The following BYSL variants were observed in gnomAD, a reference collection of about 807,000 sequenced individuals.
BYSL encodes the protein bystin like.
In BYSL, 21 loss-of-function variants were observed where a neutral mutation model predicts 45.4. The ratio of observed to expected loss-of-function variants is 0.46; its 90% CI spans 0.33 to 0.67. The LOEUF is 0.67. Ranked by LOEUF, BYSL falls within the 30% of genes least tolerant of loss-of-function variation. The pLI is 0.02. For synonymous variants in BYSL, 215 were observed against 231.3 expected (o/e 0.93, Z 0.64); for missense variants, 522 against 578.5 (o/e 0.90, Z 1.00).
chr6:41,909,210 A>C, the BYSL span: 1 of 1,551,498 alleles, frequency 6.4e-7, no homozygotes. Context: ...AAATCTTCAG[A>C]GCCCTTTGCT....
chr6:41,920,865 A>C, upstream of BYSL: 3 of 1,074,328 alleles, frequency 2.8e-6, no homozygotes, highest in Non-Finnish European at 2.6e-6. Flanking sequence ...GGGAACCCGC[A>C]GCCCGGACGG....
the BYSL span, chr6:41,909,481 A>G: frequency 7.4e-6 from 12 of 1,614,218 alleles, no homozygotes; most frequent in Non-Finnish European, 1.0e-5. Flanking sequence ...CTCAATGGGT[A>G]CTCTGAGTTG....
At chr6:41,918,451 C>G (rs1233164779), upstream of BYSL, among the ~76,000 whole-genome samples, 2 of 150,976 alleles carry the variant, frequency 1.3e-5, no homozygotes, top group Non-Finnish European at 2.9e-5. Flanking sequence ...TTGCAGTGAG[C>G]CAAGATCGCA....
intron 1 of BYSL, among the ~76,000 whole-genome samples, 154 bp downstream of exon 1, chr6:41,921,984 C>T (rs1451835334): frequency 6.6e-6 from 1 of 152,158 alleles, no homozygotes; most frequent in Non-Finnish European, 1.5e-5. Context: ...GAGCCCTCCG[C>T]GTCCACTCCT....
chr6:41,927,942 G>A (rs145189174), intron 2 of BYSL, among the ~76,000 whole-genome samples: 3 of 152,012 alleles, frequency 2.0e-5, no homozygotes, highest in African/African-American at 7.3e-5. Context: ...GACATTTTGG[G>A]CTGGGTAATT....
intron 2 of BYSL, among the ~76,000 whole-genome samples, chr6:41,927,942 G>C (rs145189174): frequency 1.3e-5 from 2 of 152,130 alleles, no homozygotes; most frequent in East Asian, 3.9e-4. Flanking sequence ...GACATTTTGG[G>C]CTGGGTAATT....
At chr6:41,917,537 A>G (rs1487294321), upstream of BYSL, 2 of 295,186 alleles carry the variant, frequency 6.8e-6, no homozygotes. Context: ...CCCCATTGTA[A>G]AGACAAGGAA....
chr6:41,927,629 A>T, intron 2 of BYSL, 93 bp downstream of exon 2: 1 of 1,508,908 alleles, frequency 6.6e-7, no homozygotes, highest in East Asian at 2.3e-5. Flanking sequence ...TACCTTTGGA[A>T]AGGGCCCTGG....
At chr6:41,917,647 A>G (rs1775348851), upstream of BYSL, 25 of 413,150 alleles carry the variant, frequency 6.1e-5, 2 homozygotes, top group South Asian at 4.3e-4. Context: ...GGCGTTCTCA[A>G]GTGTGGCATG....
At chr6:41,920,007 C>T (rs188356951), upstream of BYSL, among the ~76,000 whole-genome samples, 4 of 152,254 alleles carry the variant, frequency 2.6e-5, no homozygotes, top group South Asian at 2.1e-4. Flanking sequence ...TCCTGGCCTC[C>T]GGATTTCTCC....
At chr6:41,909,286 G>A in the BYSL span, 3 of 1,613,766 alleles carry the variant, frequency 1.9e-6, no homozygotes, top group Non-Finnish European at 2.5e-6. Context: ...GAGATGCCCC[G>A]GGCACTGGGC....
chr6:41,924,732 AAT>A (rs1305092110), intron 1 of BYSL, among the ~76,000 whole-genome samples: 1 of 152,222 alleles, frequency 6.6e-6, no homozygotes, highest in African/African-American at 2.4e-5. Flanking sequence ...GATCAAATCA[AAT>A]ATGTGTTTCT....
At chr6:41,916,221 A>G in the BYSL span, among the ~76,000 whole-genome samples, 1 of 152,050 alleles carries the variant, frequency 6.6e-6, no homozygotes, top group Non-Finnish European at 1.5e-5. Context: ...ACTGCACTCC[A>G]GCCTGGGAGA....
the BYSL span, among the ~76,000 whole-genome samples, chr6:41,913,776 T>A: frequency 1.3e-5 from 2 of 152,076 alleles, no homozygotes; most frequent in Non-Finnish European, 2.9e-5. Flanking sequence ...AGCGCACCTG[T>A]AGTCCCAGCT....
the BYSL span, among the ~76,000 whole-genome samples, chr6:41,915,139 C>CA: frequency 6.6e-6 from 1 of 152,126 alleles, no homozygotes; most frequent in East Asian, 1.9e-4. Context: ...AAAAAGCACT[C>CA]AAAGAACACA....
chr6:41,930,928 A>G (rs1775629718), intron 4 of BYSL, among the ~76,000 whole-genome samples, 160 bp downstream of exon 4: 1 of 152,076 alleles, frequency 6.6e-6, no homozygotes, highest in African/African-American at 2.4e-5. Flanking sequence ...TTCCTGTGTC[A>G]TTTTTTGGGG....
rs1357725918 is a variant in BYSL, at chr6:41,921,793, C to T, written c.231C>T (p.Asp77=). The T allele has an allele frequency of 6.2e-7, 1 of 1,612,496 alleles. No individual in the cohort carries two copies. Among genetic ancestry groups the T allele is most frequent in the Non-Finnish European group, 8.5e-7 (1 of 1,179,654 alleles). The change falls in exon 1 of 7, where the codon GAC becomes GAT. Residue 77 remains aspartate, a synonymous_variant. Coordinates refer to ENST00000230340, the MANE Select transcript of BYSL (RefSeq NM_004053.4). Reference sequence around the variant, plus strand: ...TCGAGGCCGAGCATGGGACTGGGGACAAGCCCGCGGCGCCGCGGGAACGCA... The same window carrying T: ...TCGAGGCCGAGCATGGGACTGGGGATAAGCCCGCGGCGCCGCGGGAACGCA... ...EELEAEHGTG[D]KPAAPRERTT...
At chr6:41,917,151 C>T (rs1237055933), upstream of BYSL, among the ~76,000 whole-genome samples, 1 of 152,018 alleles carries the variant, frequency 6.6e-6, no homozygotes, top group Admixed American at 6.6e-5. Flanking sequence ...CCTGTAATAC[C>T]AGCACTTTGG....
At chr6:41,931,651 C>T in intron 5 of BYSL, 77 bp from the exon 6 acceptor site, 5 of 1,606,510 alleles carry the variant, frequency 3.1e-6, no homozygotes, top group Non-Finnish European at 4.3e-6. Flanking sequence ...TGTCCCTGGG[C>T]TGGGTGGGAA....
Sources: allele counts gnomAD v4.1 joint callset (sites outside exome capture counted in the v4.1 genomes callset), GRCh38; gene constraint gnomAD v4.1.1; transcripts MANE v1.5; gene names NCBI Gene and HGNC (gene_info 2026-07-23, HGNC 2026-07-21).